RBMS1: variants seen among roughly 807,000 people sequenced by gnomAD.
RBMS1 encodes RNA-binding motif, single-stranded-interacting protein 1.
In RBMS1, 17 loss-of-function variants were observed where a neutral mutation model predicts 62.3. That is an observed-to-expected ratio of 0.27 (90% CI 0.19 to 0.41). The LOEUF (loss-of-function observed/expected upper bound fraction) is 0.41, where lower values mean the gene tolerates loss of function less well. RBMS1 is among the 10% of genes least tolerant of loss of function. The pLI, the probability that RBMS1 is intolerant of heterozygous loss-of-function variation, is 1.00. For missense variants in RBMS1, 334 were observed against 504.5 expected (o/e 0.66, Z 3.24); for synonymous variants, 172 against 170.0 (o/e 1.01, Z -0.09).
At chr2:160,451,163 A>AAAAAAAAT (rs930345059) in intron 1 of RBMS1, among the ~76,000 whole-genome samples, 30 of 150,992 alleles carry the variant, frequency 2.0e-4, no homozygotes, top group South Asian at 1.9e-3. Context: ...CTTCAGAAAA[A>AAAAAAAAT]AAAAAATAAA....
At chr2:160,475,245 C>T (rs1386920056) in intron 1 of RBMS1, among the ~76,000 whole-genome samples, 1 of 152,132 alleles carries the variant, frequency 6.6e-6, no homozygotes, top group Non-Finnish European at 1.5e-5. Context: ...TTACTGATTC[C>T]CACACTTCAT....
intron 1 of RBMS1, among the ~76,000 whole-genome samples, chr2:160,445,546 G>T (rs1683607828): frequency 6.6e-6 from 1 of 152,186 alleles, no homozygotes; most frequent in Admixed American, 6.5e-5. Context: ...CATTTAAGTG[G>T]TATTGAGCAG....
intron 3 of RBMS1, among the ~76,000 whole-genome samples, chr2:160,314,682 C>T (rs929337691): frequency 2.6e-5 from 4 of 152,066 alleles, no homozygotes; most frequent in Admixed American, 6.6e-5. Flanking sequence ...AAACAAGAAG[C>T]GGCTTCCTTA....
At chr2:160,314,364 A>G (rs12621636) in intron 3 of RBMS1, among the ~76,000 whole-genome samples, 53,833 of 151,954 alleles carry the variant, frequency 0.35, 9,797 homozygotes, top group East Asian at 0.53. Context: ...TTGTAAATGA[A>G]TAAGAATACT....
At chr2:160,303,203 A>T in intron 5 of RBMS1, 127 bp downstream of exon 5, 1 of 900,010 alleles carries the variant, frequency 1.1e-6, no homozygotes, top group Non-Finnish European at 1.6e-6. Context: ...CACATAATTT[A>T]AGTTCACAGT....
intron 6 of RBMS1, among the ~76,000 whole-genome samples, chr2:160,287,998 G>A (rs1688491275): frequency 6.7e-6 from 1 of 149,578 alleles, no homozygotes; most frequent in Non-Finnish European, 1.5e-5. Context: ...AAACAGAAAA[G>A]CAGAAGATGT....
chr2:160,471,734 G>C (rs1375988515), intron 1 of RBMS1, among the ~76,000 whole-genome samples: 2 of 57,510 alleles, frequency 3.5e-5, no homozygotes, highest in East Asian at 3.8e-4. Context: ...CATACATTCT[G>C]ATTATAAGTA....
At chr2:160,293,003 G>A (rs982160377) in intron 6 of RBMS1, among the ~76,000 whole-genome samples, 5 of 152,172 alleles carry the variant, frequency 3.3e-5, no homozygotes, top group Non-Finnish European at 4.4e-5. Context: ...GCCCTTGAAA[G>A]GTACAGCTCA....
chr2:160,378,129 G>T (rs1176258287), intron 1 of RBMS1, among the ~76,000 whole-genome samples: 1 of 141,154 alleles, frequency 7.1e-6, no homozygotes, highest in Non-Finnish European at 1.5e-5. Context: ...TAGATATCCA[G>T]TTGCTTGCTT....
chr2:160,317,878 C>CT (rs1463287685), intron 3 of RBMS1, among the ~76,000 whole-genome samples: 1 of 152,166 alleles, frequency 6.6e-6, no homozygotes, highest in Non-Finnish European at 1.5e-5. Flanking sequence ...TCTAACTCTA[C>CT]TCCCCTTTTA....
intron 1 of RBMS1, among the ~76,000 whole-genome samples, chr2:160,424,467 G>A (rs925315478): frequency 2.0e-5 from 3 of 151,918 alleles, no homozygotes; most frequent in East Asian, 1.9e-4. Context: ...AATCTGAGAA[G>A]CACGTTTTCT....
chr2:160,330,178 A>T (rs1271354766), intron 2 of RBMS1, among the ~76,000 whole-genome samples: 1 of 152,200 alleles, frequency 6.6e-6, no homozygotes, highest in Admixed American at 6.5e-5. Context: ...TAAAAAAATC[A>T]TTATTTGCTC....
At chr2:160,399,202 C>T (rs1285137948) in intron 1 of RBMS1, among the ~76,000 whole-genome samples, 2 of 152,202 alleles carry the variant, frequency 1.3e-5, no homozygotes, top group African/African-American at 4.8e-5. Context: ...AAGTTCTTCT[C>T]CCTCTCCTTC....
rs968850371 is a variant in RBMS1 at position 160,346,237 on chromosome 2, C to T, written c.251+20979G>A. On this transcript the variant is annotated intron_variant, in intron 2 of 13. Transcript: ENST00000348849. ...CCGACCGTAGGAATGTACTCTTTAA[C>T]ATGAATATGCCAGTCCAGAAGTGAT... is the stretch of plus-strand genomic sequence containing the variant. Among the ~76,000 whole-genome samples the T allele has an allele frequency of 5.9e-5, 9 of 152,230 alleles. No individual in the cohort carries two copies. In the East Asian group the frequency reaches 1.7e-3, roughly 30 times the overall value.
At chr2:160,333,720 G>A (rs1022504289) in intron 2 of RBMS1, among the ~76,000 whole-genome samples, 2 of 152,112 alleles carry the variant, frequency 1.3e-5, no homozygotes, top group Non-Finnish European at 2.9e-5. Flanking sequence ...GATGGGTGGT[G>A]GAGAGTAATA....
intron 2 of RBMS1, among the ~76,000 whole-genome samples, chr2:160,352,543 A>C (rs1692576384): frequency 6.6e-6 from 1 of 152,198 alleles, no homozygotes; most frequent in Non-Finnish European, 1.5e-5. Context: ...TGATGACCAC[A>C]TCTACATTAA....
intron 1 of RBMS1, among the ~76,000 whole-genome samples, chr2:160,421,145 T>C (rs934475984): frequency 1.4e-4 from 21 of 147,654 alleles, no homozygotes; most frequent in African/African-American, 4.7e-4. Context: ...TTCTTTTTTC[T>C]TTTTTTTTTT....
At chr2:160,407,948 C>G in intron 1 of RBMS1, 2 of 978,888 alleles carry the variant, frequency 2.0e-6, no homozygotes, top group Non-Finnish European at 2.4e-6. Context: ...CGCACCGCCT[C>G]GCGCCGCGCC....
At chr2:160,432,165 A>G (rs528425347) in intron 1 of RBMS1, among the ~76,000 whole-genome samples, 1 of 152,328 alleles carries the variant, frequency 6.6e-6, no homozygotes, top group South Asian at 2.1e-4. Flanking sequence ...AGATACAAAG[A>G]AGAATCTGAC....
Sources: allele counts gnomAD v4.1 joint callset (sites outside exome capture counted in the v4.1 genomes callset), GRCh38; gene constraint gnomAD v4.1.1; transcripts MANE v1.5; gene names NCBI Gene and HGNC (gene_info 2026-07-23, HGNC 2026-07-21).